The following ANK2 variants were observed in gnomAD, a reference collection of about 807,000 sequenced individuals.
ANK2 encodes the protein ankyrin-2.
ANK2 carries 83 observed loss-of-function variants against 360.5 expected under a neutral mutation model. The ratio of observed to expected loss-of-function variants is 0.23; its 90% CI spans 0.19 to 0.28. ANK2 has a LOEUF of 0.28. ANK2 is among the 10% of genes least tolerant of loss of function. ANK2 has a pLI of 1.00. For missense variants in ANK2, 4,201 were observed against 4,795.7 expected, an observed-to-expected ratio of 0.88 and a Z score of 3.66; for synonymous variants, 1,740 against 1,759.5, an observed-to-expected ratio of 0.99 and a Z score of 0.28.
chr4:112,822,592 A>G (rs1246488445), intron 1 of ANK2, among the ~76,000 whole-genome samples: 2 of 151,774 alleles, frequency 1.3e-5, no homozygotes, highest in African/African-American at 4.8e-5. Flanking sequence ...CTAAAATTAC[A>G]AAAATTAGCT....
intron 10 of ANK2, among the ~76,000 whole-genome samples, chr4:113,253,025 A>G (rs1383959453): frequency 6.6e-6 from 1 of 152,054 alleles, no homozygotes; most frequent in Non-Finnish European, 1.5e-5. Flanking sequence ...TTCCCATAAC[A>G]CTGAGAGAAT....
In ANK2 at chr4:113,356,438, A is replaced by G. The variant is rs2154025546; in HGVS notation, c.7820A>G (p.Gln2607Arg). The G allele has an allele frequency of 2.5e-6, 4 of 1,614,186 alleles. No individual in the cohort carries two copies. Among genetic ancestry groups the G allele is most frequent in the Non-Finnish European group, 3.4e-6 (4 of 1,179,998 alleles). ...MFDELEQEAK[Q>R]KRDYKKEPKQ... is the part of the protein sequence containing the mutation. ...GATGAACTTGAACAAGAAGCAAAGC[A>G]GAAAAGGGACTACAAAAAAGAACCC... Residue 2607 changes from glutamine (Q) to arginine (R), a missense_variant, in exon 38 of 46, where the codon CAG becomes CGG. By Grantham distance (43) the Gln-to-Arg change is conservative. This residue lies in a region of ANK2 where 2,642 missense variants were observed against 2,714.5 expected (regional missense o/e 0.97). Transcript: ENST00000357077.
In ANK2 at chr4:113,160,801, T is replaced by C. The variant is rs554868804; in HGVS notation, c.85-13615T>C. ...CACAACATCTAGCACAGTGCTATGC[T>C]TCTGACTCATTGTCAACACATATTT... On this transcript the variant is annotated intron_variant, in intron 1 of 45. Transcript: ENST00000357077. 2.6e-5 allele frequency among the ~76,000 whole-genome samples: 4 copies of C among 152,312 alleles called. No homozygotes were observed. The South Asian group carries it at 8.3e-4, about 32-fold the overall frequency.
chr4:112,916,873 A>G (rs1304313808), intron 2 of ANK2, among the ~76,000 whole-genome samples: 2 of 152,212 alleles, frequency 1.3e-5, no homozygotes, highest in Non-Finnish European at 2.9e-5. Flanking sequence ...AAGTACTGTG[A>G]TAGATACTTC....
intron 26 of ANK2, among the ~76,000 whole-genome samples, chr4:113,325,745 C>T (rs978162360): frequency 5.3e-5 from 8 of 151,960 alleles, no homozygotes; most frequent in Non-Finnish European, 5.9e-5. Flanking sequence ...TGTAAAATCC[C>T]GTAAGTGTAG....
At chr4:113,380,090 T>C (rs1301533045) in intron 45 of ANK2, among the ~76,000 whole-genome samples, 1 of 152,200 alleles carries the variant, frequency 6.6e-6, no homozygotes, top group Non-Finnish European at 1.5e-5. Context: ...AGATTCAATT[T>C]CTTTATTTGT....
At chr4:113,077,949 G>A (rs1180612673) in intron 1 of ANK2, among the ~76,000 whole-genome samples, 1 of 151,166 alleles carries the variant, frequency 6.6e-6, no homozygotes, top group Non-Finnish European at 1.5e-5. Flanking sequence ...AAAATAGGAA[G>A]CCAAAACACA....
At chr4:113,309,119 G>C (rs749227701) in intron 23 of ANK2, among the ~76,000 whole-genome samples, 1 of 152,018 alleles carries the variant, frequency 6.6e-6, no homozygotes, top group African/African-American at 2.4e-5. Context: ...TTCACTGCTG[G>C]TATGTATTAC....
chr4:112,800,696 C>T, the ANK2 span, among the ~76,000 whole-genome samples: 1 of 152,014 alleles, frequency 6.6e-6, no homozygotes, highest in Non-Finnish European at 1.5e-5. Flanking sequence ...CGCTCTTGTT[C>T]CCCAGGCTGG....
At chr4:112,816,699 A>G (rs770078789), upstream of ANK2, among the ~76,000 whole-genome samples, 29 of 152,162 alleles carry the variant, frequency 1.9e-4, no homozygotes, top group Non-Finnish European at 3.4e-4. Flanking sequence ...CTAAAATTAA[A>G]TATTTATTTT....
At chr4:113,052,551 A>G (rs1428456382) in intron 1 of ANK2, among the ~76,000 whole-genome samples, 1 of 152,220 alleles carries the variant, frequency 6.6e-6, no homozygotes, top group African/African-American at 2.4e-5. Flanking sequence ...CACCAGACCT[A>G]CAATGTGAGA....
chr4:113,079,551 G>A (rs185497980), intron 1 of ANK2, among the ~76,000 whole-genome samples: 113 of 152,208 alleles, frequency 7.4e-4, no homozygotes, highest in Non-Finnish European at 1.3e-3. Flanking sequence ...ATGTGCTTTA[G>A]TTTTCTTACT....
intron 1 of ANK2, among the ~76,000 whole-genome samples, chr4:112,846,722 T>G (rs1278546130): frequency 6.6e-6 from 1 of 152,174 alleles, no homozygotes; most frequent in East Asian, 1.9e-4. Flanking sequence ...TCATTCATCC[T>G]CATGTTTCAA....
intron 1 of ANK2, among the ~76,000 whole-genome samples, chr4:112,847,174 T>C (rs2063507920): frequency 6.6e-6 from 1 of 152,226 alleles, no homozygotes; most frequent in African/African-American, 2.4e-5. Flanking sequence ...CTCCACTCTC[T>C]GATACTTCAG....
chr4:112,796,671 T>C, the ANK2 span, among the ~76,000 whole-genome samples: 1 of 144,462 alleles, frequency 6.9e-6, no homozygotes, highest in African/African-American at 2.6e-5. Context: ...TTTTTTTTTT[T>C]CTTTTCTTTT....
At chr4:113,045,607 T>C (rs2064103690), upstream of ANK2, among the ~76,000 whole-genome samples, 1 of 152,212 alleles carries the variant, frequency 6.6e-6, no homozygotes, top group Admixed American at 6.6e-5. Flanking sequence ...TGTCATATGC[T>C]GGCACTCTTA....
chr4:112,712,200 C>T, the ANK2 span, among the ~76,000 whole-genome samples: 1 of 149,954 alleles, frequency 6.7e-6, no homozygotes, highest in South Asian at 2.1e-4. Context: ...CTGCCTCAGA[C>T]TCCCGAGTAG....
the ANK2 span, among the ~76,000 whole-genome samples, chr4:112,800,031 G>A: frequency 6.6e-5 from 10 of 152,114 alleles, no homozygotes; most frequent in Non-Finnish European, 1.3e-4. Flanking sequence ...AATCTAGGAA[G>A]CAATATAACA....
At chr4:112,883,580 A>G (rs1370704301) in intron 1 of ANK2, among the ~76,000 whole-genome samples, 1 of 152,132 alleles carries the variant, frequency 6.6e-6, no homozygotes. Flanking sequence ...AAAGAAATTC[A>G]TCGAAATCTT....
Sources: gnomAD v4.1 joint callset for allele counts (sites outside exome capture counted in the v4.1 genomes callset) on GRCh38, gnomAD v4.1.1 for gene constraint, gnomAD v4.1.1 regional missense constraint, MANE v1.5 for transcripts, NCBI Gene and HGNC (gene_info 2026-07-23, HGNC 2026-07-21) for gene names.